The following FGF12 variants were observed in gnomAD, a reference collection of about 807,000 sequenced individuals.
The protein encoded by FGF12 is fibroblast growth factor 12, also known as fibroblast growth factor 12B.
FGF12 carries 14 observed loss-of-function variants against 23.6 expected under a neutral mutation model. The observed-to-expected ratio is 0.59, with a 90% CI of 0.39 to 0.93. The LOEUF is 0.93. Among genes scored for constraint, FGF12 ranks in the 40% least tolerant of loss-of-function variants. The pLI is 0.00. For synonymous variants in FGF12, 62 were observed against 77.3 expected, an observed-to-expected ratio of 0.80 and a Z score of 1.04; for missense variants, 175 against 217.8, an observed-to-expected ratio of 0.80 and a Z score of 1.24.
intron 2 of FGF12, among the ~76,000 whole-genome samples, chr3:192,539,528 T>C (rs975412483): frequency 1.3e-5 from 2 of 152,170 alleles, no homozygotes; most frequent in African/African-American, 4.8e-5. Context: ...TAATGAGTTA[T>C]TGAATCCAAT....
At chr3:192,158,411 CTT>C (rs1491507762) in intron 5 of FGF12, among the ~76,000 whole-genome samples, 128 of 5,012 alleles carry the variant, frequency 0.026, 3 homozygotes, top group African/African-American at 0.16. Flanking sequence ...CTTTTTCTTT[CTT>C]TCTCTTTCTT....
intron 2 of FGF12, among the ~76,000 whole-genome samples, chr3:192,665,611 G>T (rs1421409352): frequency 2.7e-5 from 4 of 150,338 alleles, no homozygotes; most frequent in Admixed American, 6.7e-5. Context: ...TTTTGGGGGT[G>T]GGGGGCAAGG....
At chr3:192,349,978 C>T (rs72607874) in intron 3 of FGF12, among the ~76,000 whole-genome samples, 19,996 of 152,010 alleles carry the variant, frequency 0.13, 1,974 homozygotes, top group East Asian at 0.5. Flanking sequence ...AAGCTCATTG[C>T]CCCCATGAAG....
At chr3:192,375,208 T>C (rs1719429140) in intron 2 of FGF12, among the ~76,000 whole-genome samples, 1 of 152,254 alleles carries the variant, frequency 6.6e-6, no homozygotes, top group South Asian at 2.1e-4. Context: ...TAGATGGCTA[T>C]AATCATTTTG....
At chr3:192,169,470 C>T (rs1011910653) in intron 5 of FGF12, among the ~76,000 whole-genome samples, 5 of 152,142 alleles carry the variant, frequency 3.3e-5, no homozygotes, top group Admixed American at 1.3e-4. Context: ...TCATCCAGTG[C>T]TTGGAACATT....
intron 2 of FGF12, among the ~76,000 whole-genome samples, chr3:192,430,459 T>C (rs1183500798): frequency 6.6e-6 from 1 of 152,176 alleles, no homozygotes; most frequent in Non-Finnish European, 1.5e-5. Flanking sequence ...TACTTAATAT[T>C]ACTAAACTGT....
intron 2 of FGF12, among the ~76,000 whole-genome samples, chr3:192,584,817 T>G (rs1713306510): frequency 6.6e-6 from 1 of 152,048 alleles, no homozygotes; most frequent in African/African-American, 2.4e-5. Flanking sequence ...CTCTTGGGCT[T>G]TTATGCAATG....
intron 3 of FGF12, among the ~76,000 whole-genome samples, chr3:192,344,988 C>CG (rs1199287411): frequency 6.6e-5 from 10 of 152,158 alleles, no homozygotes; most frequent in African/African-American, 2.2e-4. Context: ...GCACAGGTGA[C>CG]GGTCCATAAG....
chr3:192,698,488 C>T (rs1013324629), intron 2 of FGF12, among the ~76,000 whole-genome samples: 1 of 152,034 alleles, frequency 6.6e-6, no homozygotes, highest in Non-Finnish European at 1.5e-5. Flanking sequence ...ATAAGAATAG[C>T]AATGGCTGTA....
intron 2 of FGF12, among the ~76,000 whole-genome samples, chr3:192,676,462 G>C (rs1381543943): frequency 6.6e-6 from 1 of 152,204 alleles, no homozygotes; most frequent in Non-Finnish European, 1.5e-5. Flanking sequence ...CAAGCTTCCT[G>C]TTTTGTGGTC....
At chr3:192,699,526 C>T (rs1051450649) in intron 2 of FGF12, among the ~76,000 whole-genome samples, 2 of 152,100 alleles carry the variant, frequency 1.3e-5, no homozygotes, top group African/African-American at 2.4e-5. Context: ...ATCTAGGACA[C>T]GTTACAAATA....
chr3:192,474,132 CT>C (rs1261175538), intron 2 of FGF12, among the ~76,000 whole-genome samples: 4 of 152,066 alleles, frequency 2.6e-5, no homozygotes, highest in Non-Finnish European at 5.9e-5. Context: ...ATCATATTGC[CT>C]TTTTATAGTT....
chr3:192,290,383 T>C (rs1188416765), intron 4 of FGF12, among the ~76,000 whole-genome samples: 1 of 152,146 alleles, frequency 6.6e-6, no homozygotes, highest in Non-Finnish European at 1.5e-5. Context: ...CGTATCCCTA[T>C]GATAAAGTAA....
At position 192,575,474 on chromosome 3, in the gene FGF12, G is replaced by A. The variant is rs76252258; in HGVS notation, c.13+151707C>T. ...AATAGCCACAGTGCAGTGGAAGAAG[G>A]GCTAACACAGCAACATGGAGGAGGA... On this transcript the variant is annotated intron_variant, in intron 2 of 5. Transcript: ENST00000445105. Among the ~76,000 whole-genome samples the A allele has an allele frequency of 2.1e-3, 313 of 152,194 alleles. 1 individual carries two copies. The highest frequency in any genetic ancestry group is 2.9e-3 in the Non-Finnish European group (196 of 68,016).
chr3:192,190,562 G>A (rs1368480995), intron 4 of FGF12, among the ~76,000 whole-genome samples: 1 of 129,496 alleles, frequency 7.7e-6, no homozygotes, highest in Non-Finnish European at 1.5e-5. Flanking sequence ...TGCAAACTCC[G>A]CCTCCCGGGT....
At chr3:192,359,483 C>T (rs1215757156) in intron 3 of FGF12, among the ~76,000 whole-genome samples, 1 of 152,134 alleles carries the variant, frequency 6.6e-6, no homozygotes, top group Non-Finnish European at 1.5e-5. Flanking sequence ...TTATTGTGTG[C>T]TCAACACTAA....
chr3:192,537,950 CTT>C (rs370317111), intron 2 of FGF12, among the ~76,000 whole-genome samples: 6 of 121,352 alleles, frequency 4.9e-5, no homozygotes, highest in Non-Finnish European at 7.1e-5. Flanking sequence ...AGCCTTTAAC[CTT>C]TTTTTTTTTT....
intron 5 of FGF12, among the ~76,000 whole-genome samples, chr3:192,161,815 T>C (rs1015259313): frequency 6.6e-6 from 1 of 152,096 alleles, no homozygotes; most frequent in Non-Finnish European, 1.5e-5. Flanking sequence ...CACTTTATAT[T>C]GTTGCTGTAT....
chr3:192,393,062 T>C (rs1461740234), intron 2 of FGF12, among the ~76,000 whole-genome samples: 3 of 152,340 alleles, frequency 2.0e-5, no homozygotes, highest in South Asian at 4.1e-4. Context: ...TGAGTATTCA[T>C]AGAACATTGC....
Sources: gnomAD v4.1 joint callset for allele counts (sites outside exome capture counted in the v4.1 genomes callset) on GRCh38, gnomAD v4.1.1 for gene constraint, MANE v1.5 for transcripts, NCBI Gene and HGNC (gene_info 2026-07-23, HGNC 2026-07-21) for gene names.